NEK10: variants seen among roughly 807,000 people sequenced by gnomAD.
NEK10 encodes NIMA related kinase 10.
NEK10 carries 122 observed loss-of-function variants against 159.8 expected under a neutral mutation model. The ratio of observed to expected loss-of-function variants is 0.76; its 90% CI spans 0.66 to 0.89. The LOEUF (loss-of-function observed/expected upper bound fraction) is 0.89. NEK10 is among the 40% of genes least tolerant of loss of function. The probability of loss-of-function intolerance (pLI) is 0.00; values close to 1 mark genes in which losing one functional copy is unlikely to be tolerated. For synonymous variants in NEK10, 466 were observed against 457.1 expected, an observed-to-expected ratio of 1.02 and a Z score of -0.25; for missense variants, 1,342 against 1,323.1, an observed-to-expected ratio of 1.01 and a Z score of -0.22.
At chr3:27,322,678 G>T (rs985054035) in intron 5 of NEK10, among the ~76,000 whole-genome samples, 1 of 152,194 alleles carries the variant, frequency 6.6e-6, no homozygotes, top group African/African-American at 2.4e-5. Flanking sequence ...ATTAATGGGG[G>T]TGTGTGCATT....
chr3:27,343,901 C>T (rs1313427010), intron 5 of NEK10, among the ~76,000 whole-genome samples: 2 of 152,208 alleles, frequency 1.3e-5, no homozygotes, highest in Admixed American at 6.5e-5. Context: ...AAGGCTTGCG[C>T]AGTCCATTTA....
chr3:27,227,877 A>G (rs558661423), intron 23 of NEK10, among the ~76,000 whole-genome samples: 69 of 152,358 alleles, frequency 4.5e-4, no homozygotes, highest in African/African-American at 1.5e-3. Context: ...CTTGAGTGGT[A>G]TAATAGCGTG....
intron 23 of NEK10, among the ~76,000 whole-genome samples, chr3:27,250,499 T>C (rs1467479012): frequency 2.0e-5 from 3 of 152,160 alleles, no homozygotes; most frequent in Non-Finnish European, 1.5e-5. Context: ...GTATTTACTA[T>C]TACCAGTGAG....
chr3:27,198,619 TCTGAACTGAACC>T lies in NEK10; in HGVS notation c.2291+2879_2291+2890del, dbSNP rs368489755. ...CTGAAAATGAACTCCTTTACAAAAA[TCTGAACTGAACC>T]CCATATACAAAAATCAACTCAAGAC... On this transcript the variant is annotated intron_variant, in intron 25 of 35. Coordinates refer to ENST00000691995, the MANE Select transcript of NEK10 (RefSeq NM_001394966.1). 5.3e-3 allele frequency among the ~76,000 whole-genome samples: 811 copies of T among 152,126 alleles called. 5 individuals carry two copies. Among genetic ancestry groups the T allele is most frequent in the Non-Finnish European group, 6.8e-3 (464 of 67,990 alleles).
intron 5 of NEK10, among the ~76,000 whole-genome samples, chr3:27,327,910 T>C (rs2046121709): frequency 6.7e-6 from 1 of 148,924 alleles, no homozygotes; most frequent in Admixed American, 6.7e-5. Flanking sequence ...GCTGAAAAAG[T>C]AAAATTCACA....
intron 30 of NEK10, among the ~76,000 whole-genome samples, chr3:27,156,929 G>GATACATATATATAT (rs1553647311): frequency 1.4e-4 from 4 of 28,314 alleles, no homozygotes; most frequent in South Asian, 2.0e-3. Context: ...TAAAGAAACT[G>GATACATATATATAT]ATATATATAT....
chr3:27,170,293 C>T (rs1168395704), intron 29 of NEK10, among the ~76,000 whole-genome samples: 2 of 152,196 alleles, frequency 1.3e-5, no homozygotes, highest in African/African-American at 4.8e-5. Flanking sequence ...TCAACAGGTG[C>T]CCCAGCCTCA....
intron 30 of NEK10, among the ~76,000 whole-genome samples, chr3:27,145,372 T>C (rs1944200682): frequency 6.6e-6 from 1 of 152,186 alleles, no homozygotes; most frequent in Non-Finnish European, 1.5e-5. Flanking sequence ...TTGGGATACT[T>C]TGTATTCTTT....
At chr3:27,192,462 C>T (rs1949202602) in intron 25 of NEK10, among the ~76,000 whole-genome samples, 1 of 152,120 alleles carries the variant, frequency 6.6e-6, no homozygotes, top group South Asian at 2.1e-4. Context: ...ATTCTCTTTG[C>T]ACTTGGGCTG....
At chr3:27,225,783 G>A (rs561795640) in intron 23 of NEK10, among the ~76,000 whole-genome samples, 7 of 152,244 alleles carry the variant, frequency 4.6e-5, no homozygotes, top group African/African-American at 1.7e-4. Flanking sequence ...TTTCTCACTT[G>A]CAAATCCAAG....
At chr3:27,155,157 A>G (rs1945273177) in intron 30 of NEK10, among the ~76,000 whole-genome samples, 1 of 152,174 alleles carries the variant, frequency 6.6e-6, no homozygotes, top group Admixed American at 6.5e-5. Context: ...ACCAACAGCA[A>G]CCAAGTGGAG....
chr3:27,291,236 G>T, intron 18 of NEK10, 26 bp downstream of exon 18: 1 of 1,604,806 alleles, frequency 6.2e-7, no homozygotes, highest in Non-Finnish European at 8.5e-7. Flanking sequence ...GGGAGTATCA[G>T]AAATGTTCCC....
In NEK10 at chr3:27,339,477, T is replaced by C. The variant is rs375458098; in HGVS notation, c.362+4795A>G. ...TCATCATCACTGGTCATTAGAGAAATGCAAATCCAAACCACAATGAGGGCT... is the reference window on the plus strand; with the variant it reads ...TCATCATCACTGGTCATTAGAGAAACGCAAATCCAAACCACAATGAGGGCT... On this transcript the variant is annotated intron_variant, in intron 5 of 35. Coordinates refer to ENST00000691995, the MANE Select transcript of NEK10 (RefSeq NM_001394966.1). 7.2e-4 allele frequency among the ~76,000 whole-genome samples: 110 copies of C among 152,194 alleles called. No homozygotes were observed. In the South Asian group the frequency reaches 0.014, roughly 20 times the overall value.
At chr3:27,349,356 A>G (rs951196592) in intron 3 of NEK10, among the ~76,000 whole-genome samples, 3 of 151,972 alleles carry the variant, frequency 2.0e-5, no homozygotes, top group Admixed American at 2.0e-4. Context: ...AAAGCAGCCT[A>G]TTTTTTAAGA....
intron 10 of NEK10, among the ~76,000 whole-genome samples, chr3:27,308,681 T>G (rs1463441976): frequency 1.3e-5 from 2 of 152,164 alleles, no homozygotes; most frequent in Admixed American, 1.3e-4. Context: ...AACTGAGGGT[T>G]AGATGAAAAG....
At chr3:27,325,637 C>T (rs2149679901) in intron 5 of NEK10, among the ~76,000 whole-genome samples, 1 of 152,192 alleles carries the variant, frequency 6.6e-6, no homozygotes, top group Non-Finnish European at 1.5e-5. Flanking sequence ...CACCCCACCC[C>T]ACTCACACTC....
intron 30 of NEK10, among the ~76,000 whole-genome samples, chr3:27,147,986 G>A (rs1944469371): frequency 6.6e-6 from 1 of 152,160 alleles, no homozygotes; most frequent in African/African-American, 2.4e-5. Context: ...ACAACTTTAA[G>A]AATTGTGCTT....
At chr3:27,123,545 C>T (rs896689184) in intron 32 of NEK10, among the ~76,000 whole-genome samples, 3 of 152,018 alleles carry the variant, frequency 2.0e-5, no homozygotes, top group Admixed American at 1.3e-4. Flanking sequence ...TTATTTTGTG[C>T]CAAGCACAGA....
At chr3:27,128,101 G>A (rs545238361) in intron 32 of NEK10, among the ~76,000 whole-genome samples, 1 of 152,270 alleles carries the variant, frequency 6.6e-6, no homozygotes, top group East Asian at 1.9e-4. Flanking sequence ...TATTTTTGGC[G>A]TTCCAGGCCA....
Sources: gnomAD v4.1 joint callset for allele counts (sites outside exome capture counted in the v4.1 genomes callset) on GRCh38, gnomAD v4.1.1 for gene constraint, MANE v1.5 for transcripts, NCBI Gene and HGNC (gene_info 2026-07-23, HGNC 2026-07-21) for gene names.